The following CAMKMT variants were observed in gnomAD, a reference collection of about 807,000 sequenced individuals.
CAMKMT encodes calmodulin-lysine N-methyltransferase.
A neutral mutation model predicts 48.0 loss-of-function variants in CAMKMT; 53 were observed. That is an observed-to-expected ratio of 1.10 (90% CI 0.89 to 1.39). The LOEUF (loss-of-function observed/expected upper bound fraction) is 1.39, where lower values mean the gene tolerates loss of function less well. Among genes scored for constraint, CAMKMT ranks in the 40% most tolerant of loss-of-function variants. CAMKMT has a pLI of 0.00. For missense variants in CAMKMT, 428 were observed against 402.7 expected, an observed-to-expected ratio of 1.06 and a Z score of -0.54; for synonymous variants, 165 against 152.3, an observed-to-expected ratio of 1.08 and a Z score of -0.61.
chr2:44,557,910 G>A (rs972878223), intron 3 of CAMKMT, among the ~76,000 whole-genome samples: 43 of 152,186 alleles, frequency 2.8e-4, no homozygotes, highest in African/African-American at 9.4e-4. Context: ...TCCCCACTGC[G>A]CATGTCAGTC....
intron 3 of CAMKMT, among the ~76,000 whole-genome samples, chr2:44,581,199 G>T (rs1669539838): frequency 6.6e-6 from 1 of 152,144 alleles, no homozygotes; most frequent in Non-Finnish European, 1.5e-5. Context: ...CTCTTTGTAA[G>T]AATGTAATAA....
chr2:44,392,537 A>G (rs1450941993), intron 3 of CAMKMT, among the ~76,000 whole-genome samples: 1 of 152,052 alleles, frequency 6.6e-6, no homozygotes, highest in Non-Finnish European at 1.5e-5. Flanking sequence ...TGTGACTAGA[A>G]AACCCAGCAG....
chr2:44,673,154 C>T (rs1285260092), intron 3 of CAMKMT, among the ~76,000 whole-genome samples: 1 of 151,860 alleles, frequency 6.6e-6, no homozygotes, highest in Non-Finnish European at 1.5e-5. Flanking sequence ...GGCTGGGCGA[C>T]GTGGCTCATG....
chr2:44,619,789 A>C (rs1672078160), intron 3 of CAMKMT, among the ~76,000 whole-genome samples: 1 of 152,164 alleles, frequency 6.6e-6, no homozygotes. Context: ...TAGAATTCTG[A>C]CCCTATGGTT....
intron 3 of CAMKMT, among the ~76,000 whole-genome samples, chr2:44,680,724 C>T (rs1047179118): frequency 2.0e-5 from 3 of 152,176 alleles, no homozygotes; most frequent in Non-Finnish European, 2.9e-5. Flanking sequence ...CCAGGACTCG[C>T]TGCAGGGGAT....
chr2:44,573,172 TC>T (rs1428602584), intron 3 of CAMKMT, among the ~76,000 whole-genome samples: 1 of 151,972 alleles, frequency 6.6e-6, no homozygotes, highest in Non-Finnish European at 1.5e-5. Flanking sequence ...AGTAATCTTT[TC>T]ATATGCTGCT....
chr2:44,650,241 G>A (rs996586469), intron 3 of CAMKMT, among the ~76,000 whole-genome samples: 2 of 152,092 alleles, frequency 1.3e-5, no homozygotes, highest in Non-Finnish European at 2.9e-5. Context: ...GCGTCCCTGG[G>A]CTTGCAGCTG....
chr2:44,549,626 T>C, intron 3 of CAMKMT: 2 of 650,602 alleles, frequency 3.1e-6, no homozygotes, highest in South Asian at 3.6e-5. Flanking sequence ...CTCAAACTCC[T>C]GAACTGCTCA....
At chr2:44,631,986 C>T (rs114545003) in intron 3 of CAMKMT, among the ~76,000 whole-genome samples, 91 of 152,164 alleles carry the variant, frequency 6.0e-4, no homozygotes, top group Non-Finnish European at 1.0e-3. Flanking sequence ...CACTTCCCCA[C>T]CCTCTCCTTT....
chr2:44,593,754 G>C (rs1029576438), intron 3 of CAMKMT, among the ~76,000 whole-genome samples: 15 of 134,688 alleles, frequency 1.1e-4, no homozygotes, highest in African/African-American at 4.1e-4. Context: ...TTTTGAAAAA[G>C]ACAACTTCCT....
intron 9 of CAMKMT, among the ~76,000 whole-genome samples, chr2:44,763,423 A>G (rs1680698561): frequency 6.6e-6 from 1 of 152,268 alleles, no homozygotes; most frequent in Non-Finnish European, 1.5e-5. Flanking sequence ...CAAATTCTTT[A>G]GATTACTCAA....
intron 3 of CAMKMT, among the ~76,000 whole-genome samples, chr2:44,527,391 A>G (rs1054949120): frequency 1.4e-5 from 2 of 140,660 alleles, no homozygotes; most frequent in Admixed American, 7.6e-5. Flanking sequence ...AATATATAAT[A>G]TATATGTATA....
chr2:44,498,689 C>T lies in CAMKMT; in HGVS notation c.376+108384C>T, dbSNP rs116298654. Among the ~76,000 whole-genome samples, 602 of 152,288 alleles carry T rather than the reference C, an allele frequency of 4.0e-3. 6 individuals carry two copies. Among genetic ancestry groups the T allele is most frequent in the African/African-American group, 0.014 (565 of 41,554 alleles). On this transcript the variant is annotated intron_variant, in intron 3 of 10. Transcript: ENST00000378494. ...TTTTCTTGAGACCTGGAAAGCTGTT[C>T]TGTTTGCTAAACAAAGGAATTGTTG...
chr2:44,714,460 C>T (rs549251675), intron 6 of CAMKMT, among the ~76,000 whole-genome samples: 39 of 152,306 alleles, frequency 2.6e-4, no homozygotes, highest in Admixed American at 2.2e-3. Flanking sequence ...TCTGTAAAGA[C>T]AGTTCTTCAG....
chr2:44,443,543 C>T (rs1304123057), intron 3 of CAMKMT, among the ~76,000 whole-genome samples: 1 of 152,084 alleles, frequency 6.6e-6, no homozygotes, highest in African/African-American at 2.4e-5. Flanking sequence ...TACATTTAAG[C>T]TGCTCAGTAT....
chr2:44,464,366 T>C lies in CAMKMT; in HGVS notation c.376+74061T>C, dbSNP rs1433560360. ...TATGGTGTACCATCTGGCTGACCAA[T>C]ATATACATTATGGGAGTTCTAGAAG... On this transcript the variant is annotated intron_variant, in intron 3 of 10. Coordinates refer to ENST00000378494, the MANE Select transcript of CAMKMT (RefSeq NM_024766.5). Among the ~76,000 whole-genome samples the C allele has an allele frequency of 2.0e-5, 3 of 152,292 alleles. No individual in the cohort carries two copies. The East Asian group carries it at 5.8e-4, about 29-fold the overall frequency.
intron 3 of CAMKMT, among the ~76,000 whole-genome samples, chr2:44,443,005 C>T (rs1014492683): frequency 9.2e-5 from 14 of 152,210 alleles, no homozygotes; most frequent in Admixed American, 1.3e-4. Context: ...ATCTTCTTCC[C>T]GGCAGCACGT....
At chr2:44,469,542 G>GT (rs1382938681) in intron 3 of CAMKMT, among the ~76,000 whole-genome samples, 2 of 151,912 alleles carry the variant, frequency 1.3e-5, no homozygotes, top group South Asian at 2.1e-4. Context: ...CCTCTTACAT[G>GT]TATGTTAAAT....
At chr2:44,375,805 A>T (rs1236064185) in intron 2 of CAMKMT, among the ~76,000 whole-genome samples, 1 of 151,498 alleles carries the variant, frequency 6.6e-6, no homozygotes, top group Non-Finnish European at 1.5e-5. Context: ...TTCTTTTTAG[A>T]GAAGGAGTCT....
Sources: gnomAD v4.1 joint callset for allele counts (sites outside exome capture counted in the v4.1 genomes callset) on GRCh38, gnomAD v4.1.1 for gene constraint, MANE v1.5 for transcripts, NCBI Gene and HGNC (gene_info 2026-07-23, HGNC 2026-07-21) for gene names.